Variants in SMYD3 observed in about 807,000 individuals in gnomAD.
The protein encoded by SMYD3 is histone-lysine N-methyltransferase SMYD3.
A neutral mutation model predicts 57.7 loss-of-function variants in SMYD3; 36 were observed. That is an observed-to-expected ratio of 0.62 (90% confidence interval 0.48 to 0.82). The LOEUF (loss-of-function observed/expected upper bound fraction) is 0.82, where lower values mean the gene tolerates loss of function less well. Among genes scored for constraint, SMYD3 ranks in the 40% least tolerant of loss-of-function variants. SMYD3 has a pLI of 0.00. For missense variants in SMYD3, 515 were observed against 538.8 expected (o/e 0.96, Z 0.44); for synonymous variants, 211 against 195.0 (o/e 1.08, Z -0.68).
rs530322325 is a variant in SMYD3 at position 246,411,938 on chromosome 1, C to T, written c.165-56844G>A. ...CATGTATACATATGTAACAAACCTG[C>T]ACGTTGTGCACACGTACCCTAAAAC... is the stretch of plus-strand genomic sequence containing the variant. On this transcript the variant is annotated intron_variant, in intron 1 of 11. Transcript: ENST00000490107. 3.5e-4 allele frequency among the ~76,000 whole-genome samples: 52 copies of T among 148,422 alleles called. No homozygotes were observed. The South Asian group carries it at 9.9e-3, about 28-fold the overall frequency.
intron 5 of SMYD3, among the ~76,000 whole-genome samples, chr1:246,116,297 G>A (rs1328303740): frequency 1.3e-5 from 2 of 151,284 alleles, no homozygotes; most frequent in Non-Finnish European, 2.9e-5. Context: ...GTAGAGTACA[G>A]CTAACACTTC....
At chr1:245,844,472 A>T (rs577193448) in intron 10 of SMYD3, among the ~76,000 whole-genome samples, 1 of 152,356 alleles carries the variant, frequency 6.6e-6, no homozygotes, top group South Asian at 2.1e-4. Flanking sequence ...ACGAAGTAAA[A>T]ATAAAGTTTA....
chr1:246,316,993 C>G (rs990619591), intron 5 of SMYD3, among the ~76,000 whole-genome samples: 5 of 147,706 alleles, frequency 3.4e-5, no homozygotes, highest in African/African-American at 1.2e-4. Flanking sequence ...GACTCCTACT[C>G]AAAAAATAAA....
At chr1:246,215,816 C>T (rs5021685) in intron 5 of SMYD3, among the ~76,000 whole-genome samples, 13,420 of 152,006 alleles carry the variant, frequency 0.088, 1,052 homozygotes, top group East Asian at 0.24. Context: ...TCCACTGACA[C>T]GACAAAAATC....
chr1:245,907,075 G>A (rs929706052), intron 8 of SMYD3, among the ~76,000 whole-genome samples: 1 of 152,154 alleles, frequency 6.6e-6, no homozygotes, highest in African/African-American at 2.4e-5. Flanking sequence ...CAAATCGTAC[G>A]TGGTTTACAG....
At chr1:246,112,447 C>T (rs903029195) in intron 5 of SMYD3, among the ~76,000 whole-genome samples, 3 of 152,154 alleles carry the variant, frequency 2.0e-5, no homozygotes, top group Non-Finnish European at 4.4e-5. Context: ...ACTTTATTTG[C>T]TTTCCTCCAA....
intron 5 of SMYD3, among the ~76,000 whole-genome samples, chr1:246,318,585 A>C (rs2065200581): frequency 6.6e-6 from 1 of 152,226 alleles, no homozygotes; most frequent in Admixed American, 6.5e-5. Context: ...GAGACACAGT[A>C]TTCCAGTAGA....
At chr1:246,493,779 A>C (rs1222213432) in intron 1 of SMYD3, among the ~76,000 whole-genome samples, 1 of 148,790 alleles carries the variant, frequency 6.7e-6, no homozygotes, top group Non-Finnish European at 1.5e-5. Flanking sequence ...CAGTACTGTC[A>C]CCACTATTCC....
intron 5 of SMYD3, among the ~76,000 whole-genome samples, chr1:246,210,687 G>A (rs2063071421): frequency 6.7e-6 from 1 of 149,624 alleles, no homozygotes. Context: ...TCCAGCCTGG[G>A]CAACAAGGGC....
chr1:245,933,788 T>C (rs142897386), intron 5 of SMYD3, among the ~76,000 whole-genome samples: 107 of 152,308 alleles, frequency 7.0e-4, no homozygotes, highest in African/African-American at 2.5e-3. Context: ...CTTTGTATTG[T>C]AGCAGCAGTT....
chr1:245,894,217 T>C (rs1175695561), intron 8 of SMYD3, among the ~76,000 whole-genome samples: 1 of 152,162 alleles, frequency 6.6e-6, no homozygotes, highest in Non-Finnish European at 1.5e-5. Flanking sequence ...ATCAGCGCTC[T>C]GTAGCTAGCT....
chr1:246,463,315 A>G (rs1318822891), intron 1 of SMYD3, among the ~76,000 whole-genome samples: 2 of 152,202 alleles, frequency 1.3e-5, no homozygotes, highest in Admixed American at 1.3e-4. Context: ...TACTGCTGAA[A>G]TCAACAGGAT....
At chr1:246,417,415 C>T (rs899861279) in intron 1 of SMYD3, 1 of 152,106 alleles carries the variant, frequency 6.6e-6, no homozygotes, top group Non-Finnish European at 1.5e-5. Flanking sequence ...TCCACCTCCT[C>T]GAAAGCTTGG....
At chr1:246,405,399 C>A (rs6678204) in intron 1 of SMYD3, among the ~76,000 whole-genome samples, 1 of 151,916 alleles carries the variant, frequency 6.6e-6, no homozygotes, top group Non-Finnish European at 1.5e-5. Flanking sequence ...ATATACAATA[C>A]GTTGTGGTTA....
chr1:245,802,037 T>C (rs1348210072), intron 10 of SMYD3, among the ~76,000 whole-genome samples: 3 of 152,182 alleles, frequency 2.0e-5, no homozygotes, highest in Non-Finnish European at 4.4e-5. Flanking sequence ...TAAAGGAAGG[T>C]TGCATGTTTT....
intron 5 of SMYD3, among the ~76,000 whole-genome samples, chr1:246,217,599 C>T (rs2063184879): frequency 6.6e-6 from 1 of 151,882 alleles, no homozygotes; most frequent in Non-Finnish European, 1.5e-5. Context: ...ATTGCTGAAT[C>T]AACTCACAAA....
At chr1:246,205,581 G>A (rs1469626457) in intron 5 of SMYD3, among the ~76,000 whole-genome samples, 2 of 152,166 alleles carry the variant, frequency 1.3e-5, no homozygotes, top group African/African-American at 4.8e-5. Flanking sequence ...CAGCACTTTG[G>A]GAGGCCAAGG....
At chr1:246,215,203 A>G (rs984252797) in intron 5 of SMYD3, among the ~76,000 whole-genome samples, 1 of 152,120 alleles carries the variant, frequency 6.6e-6, no homozygotes, top group African/African-American at 2.4e-5. Context: ...GTAATAAAAC[A>G]GTTTCGCAAT....
At chr1:246,137,673 C>T (rs1161937179) in intron 5 of SMYD3, among the ~76,000 whole-genome samples, 3 of 152,198 alleles carry the variant, frequency 2.0e-5, no homozygotes, top group Non-Finnish European at 4.4e-5. Context: ...TCAGCAACCA[C>T]AGCCTTAGAT....
Sources: gnomAD v4.1 joint callset for allele counts (sites outside exome capture counted in the v4.1 genomes callset) on GRCh38, gnomAD v4.1.1 for gene constraint, MANE v1.5 for transcripts, NCBI Gene and HGNC (gene_info 2026-07-23, HGNC 2026-07-21) for gene names.